Variants in SUGCT observed in about 807,000 individuals in gnomAD.
The protein encoded by SUGCT is succinyl-CoA:glutarate-CoA transferase.
Under a neutral mutation model 55.0 loss-of-function variants are expected in SUGCT, and 41 were observed. That is an observed-to-expected ratio of 0.74 (90% CI 0.58 to 0.97). The LOEUF (loss-of-function observed/expected upper bound fraction) is 0.97. Among genes scored for constraint, SUGCT ranks in the 50% least tolerant of loss-of-function variants. The pLI, the probability that SUGCT is intolerant of heterozygous loss-of-function variation, is 0.00. For synonymous variants in SUGCT, 187 were observed against 200.4 expected, an observed-to-expected ratio of 0.93 and a Z score of 0.56; for missense variants, 568 against 547.8, an observed-to-expected ratio of 1.04 and a Z score of -0.37.
rs930214040 is a variant in SUGCT at position 40,480,335 on chromosome 7, G to A, written c.987-15949G>A. ...GATGATCATTTCACTGTAGATGCAT[G>A]GATTTATTTCTAGACTCTCTATTCT... is the stretch of plus-strand genomic sequence containing the variant. On this transcript the variant is annotated intron_variant, in intron 11 of 13. Transcript: ENST00000335693. Among the ~76,000 whole-genome samples the A allele has an allele frequency of 2.6e-5, 4 of 152,148 alleles. No homozygotes were observed. The South Asian group carries it at 8.3e-4, about 32-fold the overall frequency.
chr7:40,932,964 A>T, the SUGCT span, among the ~76,000 whole-genome samples: 2 of 151,988 alleles, frequency 1.3e-5, no homozygotes, highest in Non-Finnish European at 2.9e-5. Flanking sequence ...TGTGAATTTG[A>T]TCCTGTCATT....
chr7:40,183,525 G>T (rs570823869), intron 3 of SUGCT, among the ~76,000 whole-genome samples: 7 of 151,964 alleles, frequency 4.6e-5, no homozygotes, highest in South Asian at 2.1e-4. Flanking sequence ...AAATTTTTTT[G>T]TGTGTGTAGA....
intron 3 of SUGCT, among the ~76,000 whole-genome samples, chr7:40,182,535 C>A (rs1441656239): frequency 6.9e-6 from 1 of 145,842 alleles, no homozygotes; most frequent in African/African-American, 2.6e-5. Flanking sequence ...GCACTCCAGC[C>A]TAGGCAACAG....
chr7:40,900,307 T>C, the SUGCT span, among the ~76,000 whole-genome samples: 66 of 152,328 alleles, frequency 4.3e-4, no homozygotes, highest in East Asian at 0.012. Context: ...AGATTTTGAA[T>C]TGTGAAGTTG....
intron 11 of SUGCT, among the ~76,000 whole-genome samples, chr7:40,472,596 A>G (rs1472563658): frequency 1.3e-5 from 2 of 152,100 alleles, no homozygotes; most frequent in African/African-American, 4.8e-5. Context: ...TGATGAAGCT[A>G]ACAAATAGCT....
intron 1 of SUGCT, among the ~76,000 whole-genome samples, chr7:40,144,307 G>C (rs539212884): frequency 1.3e-5 from 2 of 152,344 alleles, no homozygotes; most frequent in African/African-American, 4.8e-5. Context: ...TTAATAACTA[G>C]ATGGTCAGCA....
chr7:41,018,994 C>T, the SUGCT span, among the ~76,000 whole-genome samples: 3 of 151,886 alleles, frequency 2.0e-5, no homozygotes, highest in Non-Finnish European at 4.4e-5. Flanking sequence ...CAACCTCTGC[C>T]TCCCGGGTTC....
chr7:40,401,747 A>G (rs1242946261), intron 9 of SUGCT, among the ~76,000 whole-genome samples: 1 of 152,226 alleles, frequency 6.6e-6, no homozygotes, highest in African/African-American at 2.4e-5. Context: ...AGGGAAGTTT[A>G]CATAAGACCA....
intron 10 of SUGCT, among the ~76,000 whole-genome samples, chr7:40,457,737 A>G (rs772881696): frequency 2.0e-5 from 3 of 152,216 alleles, no homozygotes; most frequent in Non-Finnish European, 4.4e-5. Context: ...CAGAGGACAC[A>G]TGGGCATTCC....
At chr7:40,955,546 G>A in the SUGCT span, among the ~76,000 whole-genome samples, 4 of 152,024 alleles carry the variant, frequency 2.6e-5, no homozygotes, top group Non-Finnish European at 5.9e-5. Flanking sequence ...GAGATGATGG[G>A]GTTTTCTAAA....
chr7:40,387,979 A>T (rs1351663431), intron 9 of SUGCT: 4 of 152,228 alleles, frequency 2.6e-5, no homozygotes, highest in Admixed American at 2.0e-4. Context: ...CAAGTTTGGA[A>T]GGAAGTATCC....
intron 13 of SUGCT, among the ~76,000 whole-genome samples, chr7:40,786,615 G>A (rs1790026281): frequency 6.6e-6 from 1 of 152,094 alleles, no homozygotes. Context: ...ATTATCTGTG[G>A]AAATAACCAA....
intron 12 of SUGCT, among the ~76,000 whole-genome samples, chr7:40,579,290 T>A (rs1236950875): frequency 6.6e-6 from 1 of 152,172 alleles, no homozygotes; most frequent in African/African-American, 2.4e-5. Context: ...ATGAACTTAG[T>A]GATCTATAGA....
At chr7:40,589,652 C>A (rs527498058) in intron 12 of SUGCT, among the ~76,000 whole-genome samples, 1 of 152,150 alleles carries the variant, frequency 6.6e-6, no homozygotes, top group African/African-American at 2.4e-5. Flanking sequence ...CACATTCAGG[C>A]CATAACAGAT....
At chr7:40,381,339 G>T (rs1236988807) in intron 9 of SUGCT, among the ~76,000 whole-genome samples, 1 of 151,928 alleles carries the variant, frequency 6.6e-6, no homozygotes, top group African/African-American at 2.4e-5. Context: ...ACTTTTACAG[G>T]AATATTATAA....
At chr7:40,205,961 T>G (rs530459869) in intron 6 of SUGCT, among the ~76,000 whole-genome samples, 1 of 152,314 alleles carries the variant, frequency 6.6e-6, no homozygotes, top group South Asian at 2.1e-4. Context: ...GATTTCATCT[T>G]TGGTCTCTAA....
chr7:40,657,687 A>G (rs1301243815), intron 12 of SUGCT, among the ~76,000 whole-genome samples: 10 of 152,216 alleles, frequency 6.6e-5, no homozygotes, highest in Admixed American at 5.9e-4. Context: ...GGCACCCGCC[A>G]CTAGGCCCAG....
chr7:40,800,115 C>A (rs1433434008), intron 13 of SUGCT, among the ~76,000 whole-genome samples: 2 of 151,942 alleles, frequency 1.3e-5, no homozygotes, highest in Non-Finnish European at 2.9e-5. Context: ...TCTTGCCTAC[C>A]CAGCCAAAAA....
intron 12 of SUGCT, among the ~76,000 whole-genome samples, chr7:40,544,417 G>T (rs937053135): frequency 1.5e-4 from 23 of 152,160 alleles, no homozygotes; most frequent in African/African-American, 5.3e-4. Flanking sequence ...GACGAAGGAA[G>T]AATCTTCTTT....
Sources: allele counts gnomAD v4.1 joint callset (sites outside exome capture counted in the v4.1 genomes callset), GRCh38; gene constraint gnomAD v4.1.1; transcripts MANE v1.5; gene names NCBI Gene and HGNC (gene_info 2026-07-23, HGNC 2026-07-21).